CRIM1: variants seen among roughly 807,000 people sequenced by gnomAD.
CRIM1 encodes cysteine-rich motor neuron 1 protein.
CRIM1 carries 32 observed loss-of-function variants against 116.4 expected under a neutral mutation model. The ratio of observed to expected loss-of-function variants is 0.27; its 90% confidence interval spans 0.21 to 0.37. The LOEUF (loss-of-function observed/expected upper bound fraction) is 0.37, where lower values mean the gene tolerates loss of function less well. Ranked by LOEUF, CRIM1 falls within the 10% of genes least tolerant of loss-of-function variation. The pLI is 1.00. For synonymous variants in CRIM1, 590 were observed against 509.2 expected, an observed-to-expected ratio of 1.16 and a Z score of -2.13; for missense variants, 1,331 against 1,354.8, an observed-to-expected ratio of 0.98 and a Z score of 0.28.
At chr2:36,390,278 T>C (rs547031480) in intron 1 of CRIM1, among the ~76,000 whole-genome samples, 9 of 152,286 alleles carry the variant, frequency 5.9e-5, no homozygotes, top group Middle Eastern at 3.4e-3. Flanking sequence ...ATAAGAGAGC[T>C]GTTGGGAAAA....
intron 2 of CRIM1, among the ~76,000 whole-genome samples, chr2:36,423,907 G>C (rs371837891): frequency 1.3e-5 from 2 of 152,172 alleles, no homozygotes; most frequent in East Asian, 3.8e-4. Flanking sequence ...GCTGAAGCTA[G>C]GAAAGGTGAC....
chr2:36,452,919 A>G (rs1676850494), intron 4 of CRIM1, among the ~76,000 whole-genome samples: 2 of 152,228 alleles, frequency 1.3e-5, no homozygotes, highest in Admixed American at 6.5e-5. Flanking sequence ...ACAGCGTGAT[A>G]ATATTGAAAC....
At chr2:36,412,074 A>G (rs796141798) in intron 2 of CRIM1, among the ~76,000 whole-genome samples, 3 of 152,278 alleles carry the variant, frequency 2.0e-5, no homozygotes, top group African/African-American at 7.2e-5. Context: ...CCTTTTGTTG[A>G]CATTTCTAAA....
chr2:36,483,320 C>T lies in CRIM1; in HGVS notation c.1372+3626C>T, dbSNP rs186335958. ...AACTAAAAACAAAAAAGAGATTGGA[C>T]GGCAGAATTAGGTCTTCATCTGCAG... is the stretch of plus-strand genomic sequence containing the variant. On this transcript the variant is annotated intron_variant, in intron 7 of 16. Coordinates refer to ENST00000280527, the MANE Select transcript of CRIM1 (RefSeq NM_016441.3). Among the ~76,000 whole-genome samples the T allele has an allele frequency of 1.9e-4, 29 of 152,280 alleles. No individual in the cohort carries two copies. The East Asian group carries it at 1.9e-3, about 10-fold the overall frequency.
At chr2:36,385,380 C>G (rs1021109342) in intron 1 of CRIM1, among the ~76,000 whole-genome samples, 2 of 152,166 alleles carry the variant, frequency 1.3e-5, no homozygotes, top group Non-Finnish European at 2.9e-5. Context: ...ACTTCCAGAT[C>G]ATTACACCTT....
At chr2:36,368,557 C>T (rs993896400) in intron 1 of CRIM1, among the ~76,000 whole-genome samples, 18 of 152,180 alleles carry the variant, frequency 1.2e-4, no homozygotes, top group African/African-American at 4.1e-4. Flanking sequence ...TATTAGCAAT[C>T]AGCTTGTTTG....
intron 13 of CRIM1, chr2:36,531,859 C>T (rs991012082): frequency 1.7e-5 from 8 of 469,326 alleles, no homozygotes; most frequent in Non-Finnish European, 3.1e-5. Context: ...TAATATTGCT[C>T]ATATCTGAAT....
intron 2 of CRIM1, among the ~76,000 whole-genome samples, chr2:36,436,708 A>G (rs1430260019): frequency 6.6e-6 from 1 of 152,214 alleles, no homozygotes; most frequent in African/African-American, 2.4e-5. Flanking sequence ...GACCACACAT[A>G]CATACACACA....
chr2:36,480,236 C>G (rs114268939), intron 7 of CRIM1, among the ~76,000 whole-genome samples: 2,624 of 152,300 alleles, frequency 0.017, 87 homozygotes, highest in African/African-American at 0.06. Flanking sequence ...CATTTGCTAT[C>G]TCTCTTCTTG....
chr2:36,378,533 AT>A (rs60204094), intron 1 of CRIM1: 1,860 of 331,102 alleles, frequency 5.6e-3, no homozygotes, highest in South Asian at 8.3e-3. Flanking sequence ...GCGGTAAGTC[AT>A]TTTTTTTTTA....
chr2:36,468,845 T>A (rs1231258889), intron 5 of CRIM1, among the ~76,000 whole-genome samples: 1 of 152,152 alleles, frequency 6.6e-6, no homozygotes, highest in African/African-American at 2.4e-5. Context: ...GATTATTTGG[T>A]TTCTTAGATA....
chr2:36,436,565 G>A (rs1304581891), intron 2 of CRIM1, among the ~76,000 whole-genome samples: 1 of 152,146 alleles, frequency 6.6e-6, no homozygotes, highest in Non-Finnish European at 1.5e-5. Context: ...TGGAAATCAG[G>A]TAAAAAATGG....
intron 2 of CRIM1, among the ~76,000 whole-genome samples, chr2:36,429,075 G>T (rs933421787): frequency 2.0e-5 from 3 of 152,172 alleles, no homozygotes; most frequent in Non-Finnish European, 4.4e-5. Flanking sequence ...GGGCTGCACC[G>T]TAGGGATTGA....
intron 14 of CRIM1, among the ~76,000 whole-genome samples, chr2:36,541,308 C>G (rs1666928321): frequency 6.6e-6 from 1 of 152,180 alleles, no homozygotes; most frequent in African/African-American, 2.4e-5. Context: ...TTGCTTCTTC[C>G]TTTAGACATA....
chr2:36,415,946 G>A (rs953519637), intron 2 of CRIM1, among the ~76,000 whole-genome samples: 7 of 152,190 alleles, frequency 4.6e-5, no homozygotes, highest in South Asian at 2.1e-4. Flanking sequence ...AGTGGCTCAC[G>A]CCTGTAATCC....
chr2:36,369,300 C>T (rs972310442), intron 1 of CRIM1: 2 of 152,204 alleles, frequency 1.3e-5, no homozygotes, highest in African/African-American at 2.4e-5. Flanking sequence ...GTTTGGCCCT[C>T]CTCCTCTGGT....
chr2:36,547,016 A>G lies in CRIM1; in HGVS notation c.2779A>G (p.Asn927Asp). The G allele has an allele frequency of 6.2e-7, 1 of 1,612,466 alleles. No individual in the cohort carries two copies. Among genetic ancestry groups the G allele is most frequent in the East Asian group, 2.2e-5 (1 of 44,840 alleles). The change falls in exon 16 of 17, where the codon AAC becomes GAC. Residue 927 changes from asparagine (N) to aspartate (D), a missense_variant. Around this residue, in one of 3 missense-constraint regions of CRIM1, gnomAD observed 283 missense variants for 242.8 expected, o/e 1.17. Coordinates refer to ENST00000280527, the MANE Select transcript of CRIM1 (RefSeq NM_016441.3). ...TCACCTCCAGGTAGATTACAGAGAT[A>G]ACAGGCTGCACCCAAGTGAAGATTC... ...MGHLQVDYRDNRLHPSEDSSL... is the reference protein window; with the variant it reads ...MGHLQVDYRDDRLHPSEDSSL...
At chr2:36,424,162 T>C (rs954086449) in intron 2 of CRIM1, among the ~76,000 whole-genome samples, 2 of 152,186 alleles carry the variant, frequency 1.3e-5, no homozygotes, top group African/African-American at 4.8e-5. Flanking sequence ...ATTACCCTGA[T>C]ATAAGTGTAA....
Position 36,413,078 on chromosome 2 carries a change from G to A in CRIM1, c.505+16291G>A, listed in dbSNP as rs141511074. On this transcript the variant is annotated intron_variant, in intron 2 of 16. Coordinates refer to ENST00000280527, the MANE Select transcript of CRIM1 (RefSeq NM_016441.3). ...ACTTTATTCACTTACTGGCATTTGG[G>A]AGGGACTCAGGCTGTCAGGAAAATG... 2.5e-4 allele frequency among the ~76,000 whole-genome samples: 38 copies of A among 152,302 alleles called. No individual in the cohort carries two copies. The East Asian group carries it at 7.3e-3, about 29-fold the overall frequency.
Sources: allele counts gnomAD v4.1 joint callset (sites outside exome capture counted in the v4.1 genomes callset), GRCh38; gene constraint gnomAD v4.1.1; regional missense constraint gnomAD v4.1.1; transcripts MANE v1.5; gene names NCBI Gene and HGNC (gene_info 2026-07-23, HGNC 2026-07-21).